Variants in HLCS observed in about 807,000 individuals in gnomAD.
The protein encoded by HLCS is biotin--protein ligase.
In HLCS, 53 loss-of-function variants were observed where a neutral mutation model predicts 75.0. That is an observed-to-expected ratio of 0.71 (90% CI 0.57 to 0.89). The LOEUF is 0.89. HLCS is among the 40% of genes least tolerant of loss of function. The pLI is 0.00. For missense variants in HLCS, 966 were observed against 1,074.0 expected (o/e 0.90, Z 1.41); for synonymous variants, 431 against 428.6 (o/e 1.01, Z -0.07).
At chr21:36,821,375 C>A (rs964635400) in intron 6 of HLCS, among the ~76,000 whole-genome samples, 2 of 152,126 alleles carry the variant, frequency 1.3e-5, no homozygotes, top group African/African-American at 4.8e-5. Flanking sequence ...TTTTATTGAA[C>A]CACTGCCAAG....
chr21:36,897,512 A>G (rs1310705413), intron 5 of HLCS, among the ~76,000 whole-genome samples: 1 of 152,184 alleles, frequency 6.6e-6, no homozygotes, highest in Non-Finnish European at 1.5e-5. Context: ...AAAGAAATTC[A>G]TTATCCTATT....
At chr21:36,896,186 C>T (rs1475561134) in intron 6 of HLCS, among the ~76,000 whole-genome samples, 1 of 152,126 alleles carries the variant, frequency 6.6e-6, no homozygotes, top group African/African-American at 2.4e-5. Context: ...CCTGTCTCTA[C>T]TAAAAATACA....
chr21:36,833,002 G>A (rs960515768), intron 6 of HLCS, among the ~76,000 whole-genome samples: 1 of 151,796 alleles, frequency 6.6e-6, no homozygotes, highest in Non-Finnish European at 1.5e-5. Context: ...GGAATACCAT[G>A]AGACAGAGGC....
intron 9 of HLCS, among the ~76,000 whole-genome samples, chr21:36,758,544 T>C (rs2089694939): frequency 6.6e-6 from 1 of 152,162 alleles, no homozygotes; most frequent in African/African-American, 2.4e-5. Context: ...CGCAAGTAGC[T>C]GGGATTATGA....
At chr21:36,895,002 C>T (rs2064954418) in intron 6 of HLCS, among the ~76,000 whole-genome samples, 1 of 152,158 alleles carries the variant, frequency 6.6e-6, no homozygotes, top group South Asian at 2.1e-4. Context: ...GAGCCTCAGC[C>T]TGTCCGCACT....
chr21:36,813,293 C>T (rs934755523), intron 6 of HLCS, among the ~76,000 whole-genome samples: 1 of 152,218 alleles, frequency 6.6e-6, no homozygotes, highest in African/African-American at 2.4e-5. Context: ...GCTTCTATTT[C>T]TTCCACGTCA....
At chr21:36,898,190 A>G (rs1336552349) in intron 5 of HLCS, among the ~76,000 whole-genome samples, 2 of 152,200 alleles carry the variant, frequency 1.3e-5, no homozygotes, top group Non-Finnish European at 2.9e-5. Context: ...TCACACCTGT[A>G]ATCCCAGCAC....
At chr21:36,956,602 C>T (rs977576281) in intron 2 of HLCS, among the ~76,000 whole-genome samples, 8 of 151,882 alleles carry the variant, frequency 5.3e-5, no homozygotes, top group Admixed American at 2.6e-4. Context: ...TGGTGGTGGG[C>T]GCCTGTAGTC....
At position 36,750,507 on chromosome 21, in the gene HLCS, G is replaced by T. The variant is rs1267854894; in HGVS notation, c.*3739C>A. ...CCCCACTCCTTTTATCCTTTTAAAAGTCCTATCAGCCCTGCCTTCGTCCCT... is the reference window on the plus strand; with the variant it reads ...CCCCACTCCTTTTATCCTTTTAAAATTCCTATCAGCCCTGCCTTCGTCCCT... On this transcript the variant is annotated 3_prime_UTR_variant, in exon 11 of 11. Coordinates refer to ENST00000674895, the MANE Select transcript of HLCS (RefSeq NM_001352514.2). Among the ~76,000 whole-genome samples the T allele has an allele frequency of 3.3e-5, 5 of 152,110 alleles. No homozygotes were observed. The East Asian group carries it at 9.6e-4, about 29-fold the overall frequency.
intron 6 of HLCS, among the ~76,000 whole-genome samples, chr21:36,793,882 G>A (rs955885020): frequency 5.9e-5 from 9 of 152,132 alleles, no homozygotes; most frequent in African/African-American, 1.9e-4. Context: ...CTCTCCCATC[G>A]AAAGCATCTC....
At chr21:36,945,473 T>C (rs990119205) in intron 2 of HLCS, among the ~76,000 whole-genome samples, 2 of 152,062 alleles carry the variant, frequency 1.3e-5, no homozygotes, top group South Asian at 2.1e-4. Flanking sequence ...TATTCAACCA[T>C]AAAAAGGAAT....
chr21:36,882,196 G>A (rs2064250177), intron 6 of HLCS, among the ~76,000 whole-genome samples: 1 of 151,640 alleles, frequency 6.6e-6, no homozygotes, highest in Admixed American at 6.6e-5. Context: ...GCAGGAGAAT[G>A]GCATGAACCC....
In HLCS at chr21:36,956,454, T is replaced by C. The variant is rs565966729; in HGVS notation, c.330+5582A>G. On this transcript the variant is annotated intron_variant, in intron 2 of 10. Coordinates refer to ENST00000674895, the MANE Select transcript of HLCS (RefSeq NM_001352514.2). ...AAGATATTTGAGTTTGTAGGCCAGG[T>C]GTGGTGGCTCACACTTGTAATCCCA... Among the ~76,000 whole-genome samples the C allele has an allele frequency of 6.2e-4, 94 of 152,260 alleles. 1 individual carries two copies. Among genetic ancestry groups the C allele is most frequent in the East Asian group, 3.1e-3 (16 of 5,178 alleles).
rs577038662 is a variant in HLCS at position 36,919,579 on chromosome 21, G to A, written c.1620+10672C>T. 2.6e-5 allele frequency among the ~76,000 whole-genome samples: 4 copies of A among 152,308 alleles called. No homozygotes were observed. In the South Asian group the frequency reaches 6.2e-4, roughly 24 times the overall value. On this transcript the variant is annotated intron_variant, in intron 5 of 10. Transcript: ENST00000674895. ...TGCAGTATGGGGCAAGAGGACATAC[G>A]TGAGATGCTAGGAAAACCCAACTGT...
At chr21:36,882,067 G>A (rs1264286444) in intron 6 of HLCS, among the ~76,000 whole-genome samples, 1 of 152,050 alleles carries the variant, frequency 6.6e-6, no homozygotes, top group Non-Finnish European at 1.5e-5. Context: ...CGGATCCCAA[G>A]GTCAGATCAT....
At chr21:36,819,833 C>T (rs1041831329) in intron 6 of HLCS, among the ~76,000 whole-genome samples, 1 of 152,080 alleles carries the variant, frequency 6.6e-6, no homozygotes, top group African/African-American at 2.4e-5. Context: ...AAACATAATA[C>T]CATGTATCTA....
chr21:36,933,233 C>T (rs2066725721), intron 4 of HLCS, among the ~76,000 whole-genome samples: 1 of 152,056 alleles, frequency 6.6e-6, no homozygotes, highest in Non-Finnish European at 1.5e-5. Flanking sequence ...CTGAGGATGC[C>T]AATCATGGGA....
chr21:36,828,048 C>T (rs1012954187), intron 6 of HLCS, among the ~76,000 whole-genome samples: 12 of 152,028 alleles, frequency 7.9e-5, no homozygotes, highest in East Asian at 1.9e-4. Flanking sequence ...CTCCTGACCT[C>T]GTGATCTGCC....
chr21:36,793,079 G>A (rs753904416), intron 6 of HLCS, among the ~76,000 whole-genome samples: 1 of 152,112 alleles, frequency 6.6e-6, no homozygotes, highest in Non-Finnish European at 1.5e-5. Context: ...CCCCTCATGC[G>A]CTTTTGATTC....
Sources: gnomAD v4.1 joint callset for allele counts (sites outside exome capture counted in the v4.1 genomes callset) on GRCh38, gnomAD v4.1.1 for gene constraint, MANE v1.5 for transcripts, NCBI Gene and HGNC (gene_info 2026-07-23, HGNC 2026-07-21) for gene names.